CARMIL1: variants seen among roughly 807,000 people sequenced by gnomAD.
CARMIL1 encodes the protein F-actin-uncapping protein LRRC16A.
Under a neutral mutation model 177.1 loss-of-function variants are expected in CARMIL1, and 90 were observed. The observed-to-expected ratio is 0.51, with a 90% CI of 0.43 to 0.61. The LOEUF (loss-of-function observed/expected upper bound fraction) is 0.61, where lower values mean the gene tolerates loss of function less well. Ranked by LOEUF, CARMIL1 falls within the 20% of genes least tolerant of loss-of-function variation. The pLI, the probability that CARMIL1 is intolerant of heterozygous loss-of-function variation, is 0.00. For missense variants in CARMIL1, 1,380 were observed against 1,667.0 expected (o/e 0.83, Z 3.00); for synonymous variants, 577 against 606.2 (o/e 0.95, Z 0.71).
chr6:25,298,329 T>C (rs1431822694), intron 2 of CARMIL1, among the ~76,000 whole-genome samples: 2 of 152,264 alleles, frequency 1.3e-5, no homozygotes, highest in African/African-American at 4.8e-5. Flanking sequence ...TTCCTGGCCC[T>C]GTACAAGGTA....
chr6:25,503,908 C>T (rs2151029497), intron 17 of CARMIL1, among the ~76,000 whole-genome samples: 1 of 152,000 alleles, frequency 6.6e-6, no homozygotes, highest in East Asian at 1.9e-4. Flanking sequence ...GTGCTTGGGG[C>T]CGTGGGTTGG....
At chr6:25,503,678 A>T (rs780927167) in intron 17 of CARMIL1, among the ~76,000 whole-genome samples, 1 of 152,234 alleles carries the variant, frequency 6.6e-6, no homozygotes, top group Non-Finnish European at 1.5e-5. Context: ...CACTCTTAGC[A>T]TACCAGTTGA....
chr6:25,450,343 A>G lies in CARMIL1; in HGVS notation c.474A>G (p.Gly158=), dbSNP rs778229556. 73 of 1,612,990 alleles carry G rather than the reference A, an allele frequency of 4.5e-5. No homozygotes were observed. The South Asian group carries it at 7.6e-4, about 17-fold the overall frequency. Reference sequence around the variant, plus strand: ...TGTTTTTGTTGTATGTTTCAGGTGGATTTTCTCAGATGTATGCCTGTGTTT... The same window carrying G: ...TGTTTTTGTTGTATGTTTCAGGTGGGTTTTCTCAGATGTATGCCTGTGTTT... ...QTVAEQGPCG[G]FSQMYACVCD... Residue 158 remains glycine, a synonymous_variant, in exon 7 of 37, where the codon GGA becomes GGG. Transcript: ENST00000329474.
In CARMIL1 at chr6:25,495,135, T is replaced by A; in HGVS notation, c.1245T>A (p.Ser415=). The part of the protein sequence containing the change: ...SHRKGKEVPP[S]FKQFFSSSLA... ...GGAAAGGAAAAGAAGTACCTCCATC[T>A]TTCAAGCAATTTTTTAGTAGTTCTC... is the stretch of plus-strand genomic sequence containing the variant. Residue 415 remains serine, a synonymous_variant, in exon 16 of 37, where the codon TCT becomes TCA. Coordinates refer to ENST00000329474, the MANE Select transcript of CARMIL1 (RefSeq NM_017640.6). 1.2e-6 allele frequency: 2 copies of A among 1,613,138 alleles called. No homozygotes were observed. Among genetic ancestry groups the A allele is most frequent in the Non-Finnish European group, 1.7e-6 (2 of 1,179,372 alleles).
chr6:25,321,968 G>A (rs7759879), intron 2 of CARMIL1, among the ~76,000 whole-genome samples: 41,594 of 151,468 alleles, frequency 0.27, 6,081 homozygotes, highest in East Asian at 0.4. Context: ...CTATTTATTT[G>A]TTTTTTAAAG....
intron 2 of CARMIL1, among the ~76,000 whole-genome samples, chr6:25,382,342 G>A (rs759672754): frequency 3.9e-5 from 6 of 152,142 alleles, no homozygotes; most frequent in Non-Finnish European, 8.8e-5. Flanking sequence ...AGTTGTGTCC[G>A]GAGTTGGTTC....
At chr6:25,339,203 T>G (rs1786637375) in intron 2 of CARMIL1, among the ~76,000 whole-genome samples, 2 of 152,226 alleles carry the variant, frequency 1.3e-5, no homozygotes, top group African/African-American at 4.8e-5. Context: ...AAGCCTAGCC[T>G]GGGAAGGAGA....
chr6:25,309,766 CTTTTTTT>C (rs34514583), intron 2 of CARMIL1, among the ~76,000 whole-genome samples: 25,470 of 117,268 alleles, frequency 0.22, 3,255 homozygotes, highest in East Asian at 0.44. Context: ...TATACCACAT[CTTTTTTT>C]TTTTTTTTTT....
At chr6:25,496,458 G>A in intron 16 of CARMIL1, among the ~76,000 whole-genome samples, 1 of 130,506 alleles carries the variant, frequency 7.7e-6, no homozygotes. Context: ...TGGCAACAGA[G>A]TGAGACTCCA....
chr6:25,562,385 T>C (rs1273428267), intron 29 of CARMIL1, among the ~76,000 whole-genome samples: 3 of 152,050 alleles, frequency 2.0e-5, no homozygotes, highest in African/African-American at 7.2e-5. Flanking sequence ...GTAGCTGGGA[T>C]TACAGGCGCC....
intron 11 of CARMIL1, among the ~76,000 whole-genome samples, chr6:25,479,760 G>GT (rs1462704975): frequency 6.6e-6 from 1 of 151,828 alleles, no homozygotes; most frequent in African/African-American, 2.4e-5. Flanking sequence ...TTATTTTCCA[G>GT]TTTTTTATCT....
chr6:25,496,868 A>T (rs1028552543), intron 16 of CARMIL1, among the ~76,000 whole-genome samples: 6 of 152,250 alleles, frequency 3.9e-5, no homozygotes, highest in Non-Finnish European at 8.8e-5. Flanking sequence ...TGTATAATAT[A>T]GAGTAACATT....
Position 25,472,535 on chromosome 6 carries a change from C to T in CARMIL1, c.874+14C>T. The T allele has an allele frequency of 6.5e-7, 1 of 1,544,910 alleles. No homozygotes were observed. Among genetic ancestry groups the T allele is most frequent in the Non-Finnish European group, 8.8e-7 (1 of 1,136,962 alleles). On this transcript the variant is annotated intron_variant, in intron 11 of 36. Coordinates refer to ENST00000329474, the MANE Select transcript of CARMIL1 (RefSeq NM_017640.6). Reference sequence around the variant, plus strand: ...TGGAGGATAGAGGTACTGCAGAGTTCTCATTATCATTGATGCCAGAATTGT... The same window carrying T: ...TGGAGGATAGAGGTACTGCAGAGTTTTCATTATCATTGATGCCAGAATTGT...
chr6:25,594,623 A>G, intron 32 of CARMIL1, 96 bp downstream of exon 32: 1 of 722,090 alleles, frequency 1.4e-6, no homozygotes, highest in Non-Finnish European at 2.3e-6. Context: ...TTCATTTTAT[A>G]TATGGAAATT....
Position 25,619,659 on chromosome 6 carries a change from T to C in CARMIL1, c.*76T>C. On this transcript the variant is annotated 3_prime_UTR_variant, in exon 37 of 37. Transcript: ENST00000329474. ...GAGAGGAACCAAGGGCAACATCTTTTCTTCCCAGGCGTTCTTCTCTGGGTG... is the reference window on the plus strand; with the variant it reads ...GAGAGGAACCAAGGGCAACATCTTTCCTTCCCAGGCGTTCTTCTCTGGGTG... The C allele has an allele frequency of 6.8e-7, 1 of 1,461,638 alleles. No individual in the cohort carries two copies. Among genetic ancestry groups the C allele is most frequent in the Non-Finnish European group, 9.1e-7 (1 of 1,096,592 alleles). 90.5% of individuals were successfully genotyped at this position (1,461,638 alleles called of 1,614,324 possible).
At chr6:25,281,152 A>G (rs1021833397) in intron 1 of CARMIL1, among the ~76,000 whole-genome samples, 15 of 150,048 alleles carry the variant, frequency 1.0e-4, no homozygotes, top group East Asian at 4.3e-4. Flanking sequence ...ACACACACAC[A>G]CACACACACA....
intron 2 of CARMIL1, among the ~76,000 whole-genome samples, chr6:25,292,768 A>G (rs1419292707): frequency 6.6e-6 from 1 of 152,144 alleles, no homozygotes; most frequent in Admixed American, 6.5e-5. Context: ...CCCTTGGACC[A>G]GGGCAATTAG....
intron 2 of CARMIL1, among the ~76,000 whole-genome samples, chr6:25,349,876 A>G (rs988531864): frequency 6.6e-6 from 1 of 151,902 alleles, no homozygotes; most frequent in Non-Finnish European, 1.5e-5. Context: ...TTACAGGCAC[A>G]TGCCACCACG....
chr6:25,514,580 G>T (rs301385), intron 20 of CARMIL1, among the ~76,000 whole-genome samples: 61,089 of 143,696 alleles, frequency 0.43, 13,317 homozygotes, highest in Middle Eastern at 0.51. Flanking sequence ...CCACACAAGT[G>T]TGACTTAAAA....
Sources: allele counts gnomAD v4.1 joint callset (sites outside exome capture counted in the v4.1 genomes callset), GRCh38; gene constraint gnomAD v4.1.1; transcripts MANE v1.5; gene names NCBI Gene and HGNC (gene_info 2026-07-23, HGNC 2026-07-21).